Variants in GPHN observed in about 807,000 individuals in gnomAD.
GPHN encodes the protein gephyrin.
Under a neutral mutation model 95.5 loss-of-function variants are expected in GPHN, and 17 were observed. The ratio of observed to expected loss-of-function variants is 0.18; its 90% CI spans 0.12 to 0.27. The LOEUF (loss-of-function observed/expected upper bound fraction) is 0.27, where lower values mean the gene tolerates loss of function less well. GPHN is among the 10% of genes least tolerant of loss of function. The probability of loss-of-function intolerance (pLI) is 1.00; values close to 1 mark genes in which losing one functional copy is unlikely to be tolerated. For missense variants in GPHN, 660 were observed against 978.1 expected (o/e 0.67, Z 4.34); for synonymous variants, 320 against 322.5 (o/e 0.99, Z 0.08).
At chr14:66,555,630 A>G (rs1197246825) in intron 1 of GPHN, among the ~76,000 whole-genome samples, 3 of 152,168 alleles carry the variant, frequency 2.0e-5, no homozygotes, top group Non-Finnish European at 2.9e-5. Flanking sequence ...CAAAAAAAGA[A>G]AAAAAATCCT....
intron 11 of GPHN, among the ~76,000 whole-genome samples, chr14:67,070,715 A>ATATATATATAT (rs1555482657): frequency 4.8e-4 from 39 of 80,656 alleles, no homozygotes; most frequent in African/African-American, 2.4e-3. Context: ...AAAAAAAAAA[A>ATATATATATAT]ATATATATAT....
chr14:66,926,140 A>T (rs1456251475), intron 8 of GPHN, among the ~76,000 whole-genome samples: 5 of 152,164 alleles, frequency 3.3e-5, no homozygotes, highest in Non-Finnish European at 5.9e-5. Context: ...TAGTCTGGTT[A>T]TTAATCCCTT....
At chr14:67,245,625 A>T in the GPHN span, among the ~76,000 whole-genome samples, 24,633 of 151,940 alleles carry the variant, frequency 0.16, 3,824 homozygotes, top group East Asian at 0.43. Context: ...GTGGTGGGAT[A>T]ACACGCATGA....
At chr14:67,728,043 C>A in the GPHN span, 1 of 152,262 alleles carries the variant, frequency 6.6e-6, no homozygotes, top group Non-Finnish European at 1.5e-5. Context: ...TTAACCTCCC[C>A]TGACTTCATC....
the GPHN span, chr14:67,317,516 T>C: frequency 6.9e-7 from 1 of 1,457,318 alleles, no homozygotes; most frequent in East Asian, 2.3e-5. Flanking sequence ...GAATTATATC[T>C]GAAAGGAGTC....
chr14:66,793,478 T>C (rs1002724899), intron 3 of GPHN, among the ~76,000 whole-genome samples: 3 of 152,194 alleles, frequency 2.0e-5, no homozygotes, highest in African/African-American at 7.2e-5. Flanking sequence ...AATATATTCT[T>C]GTCCTTTCGG....
chr14:67,016,171 T>G (rs7144580), intron 9 of GPHN, among the ~76,000 whole-genome samples: 36,992 of 152,050 alleles, frequency 0.24, 8,955 homozygotes, highest in African/African-American at 0.59. Context: ...GCTCAGAGAC[T>G]TTTAACCTTT....
At chr14:66,562,254 G>A (rs954813948) in intron 1 of GPHN, among the ~76,000 whole-genome samples, 2 of 152,076 alleles carry the variant, frequency 1.3e-5, no homozygotes, top group Admixed American at 6.6e-5. Flanking sequence ...AATAAATTCT[G>A]CGGATCTATT....
chr14:66,964,209 TTGA>T (rs2069157806), intron 8 of GPHN, among the ~76,000 whole-genome samples: 2 of 151,206 alleles, frequency 1.3e-5, no homozygotes, highest in South Asian at 2.1e-4. Flanking sequence ...CTTTACTATG[TTGA>T]TAAGTATAAT....
At chr14:67,013,137 T>C (rs2073104836) in intron 9 of GPHN, among the ~76,000 whole-genome samples, 1 of 152,102 alleles carries the variant, frequency 6.6e-6, no homozygotes, top group Admixed American at 6.5e-5. Flanking sequence ...ACACATACTC[T>C]TTTTTATTAT....
chr14:67,596,782 A>C, the GPHN span, among the ~76,000 whole-genome samples: 1 of 152,226 alleles, frequency 6.6e-6, no homozygotes, highest in African/African-American at 2.4e-5. Flanking sequence ...CTTGCCCCTG[A>C]TGTTTCCTTT....
At chr14:66,557,565 C>T (rs1288667722) in intron 1 of GPHN, among the ~76,000 whole-genome samples, 4 of 152,092 alleles carry the variant, frequency 2.6e-5, no homozygotes, top group Non-Finnish European at 5.9e-5. Flanking sequence ...AAATAAGTTA[C>T]TTTTTTGCAT....
At chr14:66,607,829 G>T (rs113392809) in intron 1 of GPHN, among the ~76,000 whole-genome samples, 2,825 of 151,946 alleles carry the variant, frequency 0.019, 81 homozygotes, top group African/African-American at 0.064. Context: ...ATTTCTGTGG[G>T]ATCAGTTGTA....
At chr14:66,761,001 A>G in intron 2 of GPHN, 2 of 590,890 alleles carry the variant, frequency 3.4e-6, no homozygotes, top group Non-Finnish European at 3.3e-6. Context: ...GGATGTGGAT[A>G]TGGAAGATGC....
the GPHN span, among the ~76,000 whole-genome samples, chr14:67,398,634 A>C: frequency 2.6e-5 from 4 of 151,072 alleles, no homozygotes; most frequent in Admixed American, 2.0e-4. Context: ...CACCTAAACG[A>C]CCCTTCTCTT....
At chr14:67,475,218 A>T in the GPHN span, among the ~76,000 whole-genome samples, 1 of 152,146 alleles carries the variant, frequency 6.6e-6, no homozygotes, top group Admixed American at 6.5e-5. Flanking sequence ...CCCAGCCAGA[A>T]TTTCCTTCCT....
intron 9 of GPHN, among the ~76,000 whole-genome samples, chr14:67,003,092 A>G (rs960259478): frequency 7.9e-5 from 12 of 151,434 alleles, no homozygotes; most frequent in African/African-American, 2.2e-4. Flanking sequence ...CAGTTTTTCA[A>G]TTGTCTTTTT....
the GPHN span, among the ~76,000 whole-genome samples, chr14:67,249,222 A>C: frequency 6.6e-6 from 1 of 152,194 alleles, no homozygotes; most frequent in African/African-American, 2.4e-5. Context: ...TCGGCCTCCC[A>C]AAGTGCTGGG....
chr14:67,098,317 A>C (rs1420665076), intron 12 of GPHN, among the ~76,000 whole-genome samples: 2 of 152,212 alleles, frequency 1.3e-5, no homozygotes, highest in Non-Finnish European at 2.9e-5. Context: ...CTGAATGAAT[A>C]AAAGGAATAA....
Sources: allele counts gnomAD v4.1 joint callset (sites outside exome capture counted in the v4.1 genomes callset), GRCh38; gene constraint gnomAD v4.1.1; transcripts MANE v1.5; gene names NCBI Gene and HGNC (gene_info 2026-07-23, HGNC 2026-07-21).